DPP10: variants seen among roughly 807,000 people sequenced by gnomAD.
DPP10 encodes the protein dipeptidyl peptidase like 10.
In DPP10, 33 loss-of-function variants were observed where a neutral mutation model predicts 120.9. That is an observed-to-expected ratio of 0.27 (90% CI 0.21 to 0.37). The LOEUF (loss-of-function observed/expected upper bound fraction) is 0.37. DPP10 is among the 10% of genes least tolerant of loss of function. The pLI is 1.00. For synonymous variants in DPP10, 337 were observed against 326.1 expected, an observed-to-expected ratio of 1.03 and a Z score of -0.36; for missense variants, 816 against 942.8, an observed-to-expected ratio of 0.87 and a Z score of 1.76.
At chr2:114,625,505 T>C (rs1486353673) in intron 1 of DPP10, among the ~76,000 whole-genome samples, 1 of 152,034 alleles carries the variant, frequency 6.6e-6, no homozygotes, top group Non-Finnish European at 1.5e-5. Context: ...TCTTCTTCTT[T>C]TAAGTTGAAG....
intron 1 of DPP10, among the ~76,000 whole-genome samples, chr2:114,800,476 A>G (rs1684097105): frequency 6.6e-6 from 1 of 152,246 alleles, no homozygotes; most frequent in Non-Finnish European, 1.5e-5. Context: ...TGCTAAAATT[A>G]GACTAGAAAA....
intron 5 of DPP10, among the ~76,000 whole-genome samples, chr2:115,639,420 G>C (rs2086599332): frequency 1.3e-5 from 2 of 152,166 alleles, no homozygotes. Context: ...GTCTAAAGCA[G>C]TCTGCAAACT....
At chr2:115,453,194 A>C (rs2073253451) in intron 3 of DPP10, among the ~76,000 whole-genome samples, 1 of 151,536 alleles carries the variant, frequency 6.6e-6, no homozygotes, top group African/African-American at 2.4e-5. Context: ...GTTATTTATA[A>C]TAAGGAGATC....
intron 1 of DPP10, among the ~76,000 whole-genome samples, chr2:115,000,322 T>TA (rs1701357174): frequency 6.6e-6 from 1 of 152,154 alleles, no homozygotes; most frequent in Non-Finnish European, 1.5e-5. Flanking sequence ...CAAACACGCA[T>TA]AAAAAATTGG....
intron 11 of DPP10, among the ~76,000 whole-genome samples, chr2:115,759,696 C>A (rs1679863766): frequency 1.4e-5 from 1 of 72,292 alleles, no homozygotes; most frequent in Non-Finnish European, 2.7e-5. Flanking sequence ...CATATATATA[C>A]ACATATACAT....
At chr2:115,623,417 T>C (rs2085120858) in intron 5 of DPP10, among the ~76,000 whole-genome samples, 1 of 152,220 alleles carries the variant, frequency 6.6e-6, no homozygotes, top group South Asian at 2.1e-4. Flanking sequence ...ATACAGATAA[T>C]CTTCTGAATT....
At chr2:115,259,163 C>G (rs951836417) in intron 1 of DPP10, among the ~76,000 whole-genome samples, 1 of 152,120 alleles carries the variant, frequency 6.6e-6, no homozygotes, top group African/African-American at 2.4e-5. Flanking sequence ...TGCCTACATT[C>G]CTGGTGCCCA....
chr2:115,531,687 C>T (rs2148920407), intron 5 of DPP10, among the ~76,000 whole-genome samples: 1 of 152,084 alleles, frequency 6.6e-6, no homozygotes, highest in South Asian at 2.1e-4. Flanking sequence ...TATAACATAC[C>T]TATAGGAGCT....
At chr2:114,792,520 A>C (rs1461423379) in intron 1 of DPP10, among the ~76,000 whole-genome samples, 1 of 152,246 alleles carries the variant, frequency 6.6e-6, no homozygotes. Context: ...GCCTGCTTGC[A>C]AGGTTGGCCC....
intron 4 of DPP10, among the ~76,000 whole-genome samples, chr2:115,515,089 C>CA (rs1034318097): frequency 7.3e-5 from 11 of 151,270 alleles, no homozygotes; most frequent in East Asian, 5.8e-4. Flanking sequence ...TTTTTTAAAA[C>CA]AAAAAAAATT....
rs115081853 is a variant in DPP10 at position 115,326,781 on chromosome 2, G to A, written c.176-17036G>A. Among the ~76,000 whole-genome samples the A allele has an allele frequency of 7.8e-4, 118 of 152,146 alleles. 1 individual carries two copies. Among genetic ancestry groups the A allele is most frequent in the African/African-American group, 2.6e-3 (110 of 41,560 alleles). On this transcript the variant is annotated intron_variant, in intron 2 of 25. Transcript: ENST00000410059. ...GGACATAAAGAAGGAAAATATTTGT[G>A]TTCAGTTGTCAAATGTGTTTTTAAG...
chr2:115,656,253 A>C (rs2088324435), intron 5 of DPP10, among the ~76,000 whole-genome samples: 2 of 151,532 alleles, frequency 1.3e-5, no homozygotes, highest in Non-Finnish European at 3.0e-5. Flanking sequence ...TAATATGTGC[A>C]GTTCATGTGT....
chr2:115,187,019 CTTTTTTTTTTTT>C (rs147014349), intron 1 of DPP10, among the ~76,000 whole-genome samples: 31 of 63,174 alleles, frequency 4.9e-4, no homozygotes, highest in South Asian at 1.9e-3. Flanking sequence ...TGCAAAGATT[CTTTTTTTTTTTT>C]TTTTTTTTTT....
intron 1 of DPP10, among the ~76,000 whole-genome samples, chr2:115,063,418 T>A (rs766391950): frequency 5.3e-5 from 8 of 152,174 alleles, no homozygotes; most frequent in Admixed American, 3.9e-4. Flanking sequence ...AATTTTTTGC[T>A]TTTGTTTCAA....
chr2:115,190,203 G>T (rs968877239), intron 1 of DPP10, among the ~76,000 whole-genome samples: 4 of 152,038 alleles, frequency 2.6e-5, no homozygotes, highest in African/African-American at 9.7e-5. Flanking sequence ...CTTATTAATT[G>T]TCACCCACCA....
At chr2:115,539,301 T>C (rs1435296838) in intron 5 of DPP10, among the ~76,000 whole-genome samples, 1 of 152,006 alleles carries the variant, frequency 6.6e-6, no homozygotes, top group Non-Finnish European at 1.5e-5. Context: ...AGAAGTTAGA[T>C]ATATTTCTAA....
At chr2:115,383,568 C>G (rs996133790) in intron 3 of DPP10, among the ~76,000 whole-genome samples, 1 of 152,160 alleles carries the variant, frequency 6.6e-6, no homozygotes, top group Non-Finnish European at 1.5e-5. Context: ...ATCTGGTTTT[C>G]TGCCATTTCA....
chr2:115,813,875 G>T (rs957499624), intron 19 of DPP10, among the ~76,000 whole-genome samples: 3 of 152,122 alleles, frequency 2.0e-5, no homozygotes, highest in Non-Finnish European at 4.4e-5. Context: ...TTTCTCACAG[G>T]TTGCCCAACT....
At chr2:114,818,547 G>A (rs1481148914) in intron 1 of DPP10, among the ~76,000 whole-genome samples, 4 of 152,076 alleles carry the variant, frequency 2.6e-5, no homozygotes, top group Non-Finnish European at 5.9e-5. Context: ...TAATACCAAA[G>A]TATTTATCAT....
Sources: allele counts gnomAD v4.1 joint callset (sites outside exome capture counted in the v4.1 genomes callset), GRCh38; gene constraint gnomAD v4.1.1; transcripts MANE v1.5; gene names NCBI Gene and HGNC (gene_info 2026-07-23, HGNC 2026-07-21).